Variants in TMC2 observed in about 807,000 individuals in gnomAD.
TMC2 encodes the protein transmembrane channel-like protein 2.
In TMC2, 102 loss-of-function variants were observed where a neutral mutation model predicts 105.9. The observed-to-expected ratio is 0.96, with a 90% CI of 0.82 to 1.14. The LOEUF is 1.14. TMC2 is among the 50% of genes most tolerant of loss of function. The pLI, the probability that TMC2 is intolerant of heterozygous loss-of-function variation, is 0.00. For missense variants in TMC2, 1,093 were observed against 1,134.3 expected (o/e 0.96, Z 0.52); for synonymous variants, 402 against 422.8 (o/e 0.95, Z 0.60).
intron 7 of TMC2, among the ~76,000 whole-genome samples, chr20:2,584,790 C>CT (rs61306929): frequency 0.013 from 1,961 of 146,336 alleles, 54 homozygotes; most frequent in African/African-American, 0.045. Context: ...TCTGAAATGT[C>CT]TTTTTTTTTT....
At chr20:2,620,852 T>C (rs949556483) in intron 16 of TMC2, among the ~76,000 whole-genome samples, 1 of 152,220 alleles carries the variant, frequency 6.6e-6, no homozygotes, top group Non-Finnish European at 1.5e-5. Flanking sequence ...TTAATGGAGC[T>C]TGGCTGATTG....
At chr20:2,620,435 G>A (rs191408704) in intron 16 of TMC2, among the ~76,000 whole-genome samples, 3 of 152,332 alleles carry the variant, frequency 2.0e-5, no homozygotes, top group Non-Finnish European at 2.9e-5. Flanking sequence ...CTGACTAATC[G>A]TGTGACTAAT....
intron 11 of TMC2, among the ~76,000 whole-genome samples, chr20:2,607,141 T>A (rs1008092603): frequency 6.6e-6 from 1 of 152,090 alleles, no homozygotes; most frequent in Non-Finnish European, 1.5e-5. Flanking sequence ...TAGAAAAAAC[T>A]TTTCCACTGT....
intron 11 of TMC2, among the ~76,000 whole-genome samples, chr20:2,607,387 T>C (rs1745527829): frequency 6.6e-6 from 1 of 152,216 alleles, no homozygotes; most frequent in Admixed American, 6.5e-5. Context: ...GTTCTCAGAA[T>C]AGTCTCCTTC....
At chr20:2,580,385 G>T (rs971344623) in intron 7 of TMC2, among the ~76,000 whole-genome samples, 1 of 152,078 alleles carries the variant, frequency 6.6e-6, no homozygotes, top group Non-Finnish European at 1.5e-5. Context: ...AAAATACTTT[G>T]TTCCTTAATT....
In TMC2 at chr20:2,635,980, C is replaced by A. The variant is rs780328061; in HGVS notation, c.2361C>A (p.Ala787=). Residue 787 remains alanine (A), a synonymous_variant, in exon 18 of 20, where the codon GCC becomes GCA. Coordinates refer to ENST00000358864, the MANE Select transcript of TMC2 (RefSeq NM_080751.3). Reference sequence around the variant, plus strand: ...CCAAAAGCCTTTCCCGAGCTAATGCCCAGCTGAGGAAGAAAATCCAAGTGG... The same window carrying A: ...CCAAAAGCCTTTCCCGAGCTAATGCACAGCTGAGGAAGAAAATCCAAGTGG... ...SVSKSLSRAN[A]QLRKKIQVLR... The A allele has an allele frequency of 8.1e-6, 13 of 1,614,050 alleles. No homozygotes were observed. Among genetic ancestry groups the A allele is most frequent in the Non-Finnish European group, 1.0e-5 (12 of 1,179,946 alleles).
chr20:2,569,334 G>A (rs148301571), intron 4 of TMC2, among the ~76,000 whole-genome samples: 17 of 152,290 alleles, frequency 1.1e-4, no homozygotes, highest in African/African-American at 4.1e-4. Context: ...AACTTTAACA[G>A]GGTGCTCATT....
At chr20:2,571,112 C>T (rs148829011) in intron 4 of TMC2, among the ~76,000 whole-genome samples, 1 of 152,192 alleles carries the variant, frequency 6.6e-6, no homozygotes, top group East Asian at 1.9e-4. Flanking sequence ...CGACTAAGTC[C>T]TCAATAGCAA....
At position 2,642,498 on chromosome 20, in the gene TMC2, A is replaced by T. The variant is rs1421586033; in HGVS notation, c.*1147A>T. The stretch of plus-strand genomic sequence containing the variant: ...AGGAATTTGATAACATGATTATTGT[A>T]CAAAAGACCTTGAAGATGGTTTCTC... On this transcript the variant is annotated 3_prime_UTR_variant, in exon 20 of 20. Transcript: ENST00000358864. Among the ~76,000 whole-genome samples, 1 of 152,228 alleles carries T rather than the reference A, an allele frequency of 6.6e-6. No homozygotes were observed. Among genetic ancestry groups the T allele is most frequent in the Non-Finnish European group, 1.5e-5 (1 of 68,046 alleles).
intron 11 of TMC2, among the ~76,000 whole-genome samples, chr20:2,609,902 C>T (rs2086422427): frequency 6.6e-6 from 1 of 152,206 alleles, no homozygotes; most frequent in Non-Finnish European, 1.5e-5. Context: ...GGCTGGAGTG[C>T]AGTGGTGCAA....
chr20:2,562,086 A>G (rs1216174459), intron 4 of TMC2, 76 bp downstream of exon 4: 1 of 1,514,530 alleles, frequency 6.6e-7, no homozygotes, highest in Non-Finnish European at 8.9e-7. Flanking sequence ...CCCTCCCTCC[A>G]CATTTCCCCA....
chr20:2,556,345 C>T (rs2085985387), intron 2 of TMC2, among the ~76,000 whole-genome samples: 1 of 152,220 alleles, frequency 6.6e-6, no homozygotes, highest in Non-Finnish European at 1.5e-5. Flanking sequence ...TCCCAAAGTG[C>T]TGGGATTACA....
At chr20:2,610,229 A>T (rs1417082010) in intron 11 of TMC2, among the ~76,000 whole-genome samples, 190 bp from the exon 12 acceptor site, 1 of 152,228 alleles carries the variant, frequency 6.6e-6, no homozygotes, top group Non-Finnish European at 1.5e-5. Context: ...ATGCAAGCAC[A>T]GGCCAAGTGC....
At chr20:2,627,067 T>C (rs1477385766) in intron 17 of TMC2, among the ~76,000 whole-genome samples, 1 of 152,168 alleles carries the variant, frequency 6.6e-6, no homozygotes, top group Non-Finnish European at 1.5e-5. Flanking sequence ...CAAGAAACAC[T>C]GTGCCTGGGG....
intron 4 of TMC2, among the ~76,000 whole-genome samples, chr20:2,567,778 G>GA (rs1467038277): frequency 3.3e-5 from 5 of 151,102 alleles, no homozygotes; most frequent in South Asian, 4.2e-4. Context: ...AACAGTCTCA[G>GA]AAAAAAAATA....
At chr20:2,636,775 GCA>G (rs10555998) in intron 18 of TMC2, among the ~76,000 whole-genome samples, 46,068 of 133,696 alleles carry the variant, frequency 0.34, 7,695 homozygotes, top group African/African-American at 0.47. Flanking sequence ...AGGCGTGCAT[GCA>G]CCACCACACC....
chr20:2,554,707 G>T (rs1005560004), intron 2 of TMC2, among the ~76,000 whole-genome samples: 8 of 152,196 alleles, frequency 5.3e-5, no homozygotes, highest in Admixed American at 5.2e-4. Context: ...TTATTTAGAA[G>T]TGGGCTGTTT....
chr20:2,537,208 G>A, intron 1 of TMC2, 61 bp from the exon 2 acceptor site: 9 of 1,477,304 alleles, frequency 6.1e-6, no homozygotes, highest in Non-Finnish European at 4.7e-6. Flanking sequence ...GTGACCGGGG[G>A]TCTGCAGGGA....
At chr20:2,586,261 C>A (rs2086231462) in intron 7 of TMC2, among the ~76,000 whole-genome samples, 1 of 152,138 alleles carries the variant, frequency 6.6e-6, no homozygotes, top group Non-Finnish European at 1.5e-5. Flanking sequence ...AAGATGTTAT[C>A]TGCACCAACA....
Sources: allele counts gnomAD v4.1 joint callset (sites outside exome capture counted in the v4.1 genomes callset), GRCh38; gene constraint gnomAD v4.1.1; transcripts MANE v1.5; gene names NCBI Gene and HGNC (gene_info 2026-07-23, HGNC 2026-07-21).